SPOCK1: variants seen among roughly 807,000 people sequenced by gnomAD.
SPOCK1 encodes SPARC (osteonectin), cwcv and kazal like domains proteoglycan 1.
In SPOCK1, 23 loss-of-function variants were observed where a neutral mutation model predicts 55.3. The observed-to-expected ratio is 0.42, with a 90% CI of 0.30 to 0.59. The LOEUF (loss-of-function observed/expected upper bound fraction) is 0.59. SPOCK1 is among the 20% of genes least tolerant of loss of function. The pLI, the probability that SPOCK1 is intolerant of heterozygous loss-of-function variation, is 0.22. For missense variants in SPOCK1, 499 were observed against 552.5 expected, an observed-to-expected ratio of 0.90 and a Z score of 0.97; for synonymous variants, 226 against 221.0, an observed-to-expected ratio of 1.02 and a Z score of -0.20.
At chr5:137,212,114 T>G (rs1178722271) in intron 3 of SPOCK1, among the ~76,000 whole-genome samples, 1 of 152,134 alleles carries the variant, frequency 6.6e-6, no homozygotes, top group South Asian at 2.1e-4. Context: ...GGGTCCATCT[T>G]GTGAGAGTGA....
intron 3 of SPOCK1, among the ~76,000 whole-genome samples, chr5:137,185,490 A>ATTTCTCTT (rs1468317525): frequency 3.9e-5 from 6 of 152,184 alleles, no homozygotes; most frequent in South Asian, 4.1e-4. Context: ...AATTTGTTGC[A>ATTTCTCTT]TTTCTCTTTT....
intron 2 of SPOCK1, among the ~76,000 whole-genome samples, chr5:137,486,786 A>C (rs1754066892): frequency 2.6e-5 from 4 of 152,256 alleles, no homozygotes; most frequent in Admixed American, 2.0e-4. Context: ...AACAGTAAAC[A>C]CAGTATTATT....
chr5:137,322,300 T>C (rs1450757171), intron 2 of SPOCK1, among the ~76,000 whole-genome samples: 45 of 148,870 alleles, frequency 3.0e-4, no homozygotes, highest in African/African-American at 1.0e-3. Flanking sequence ...GCCACTGCAC[T>C]CCAGCCTGGG....
intron 2 of SPOCK1, among the ~76,000 whole-genome samples, chr5:137,300,012 C>T (rs541096684): frequency 6.6e-5 from 10 of 152,250 alleles, no homozygotes; most frequent in African/African-American, 2.2e-4. Context: ...CCTCTTCTTT[C>T]TCTGGGATTC....
intron 6 of SPOCK1, among the ~76,000 whole-genome samples, chr5:137,000,969 C>A (rs564649673): frequency 9.2e-5 from 14 of 152,288 alleles, no homozygotes; most frequent in Admixed American, 3.9e-4. Flanking sequence ...CGCCACTGCA[C>A]TCTAGCCTAG....
intron 2 of SPOCK1, among the ~76,000 whole-genome samples, chr5:137,491,052 C>T (rs1413291696): frequency 6.6e-6 from 1 of 152,172 alleles, no homozygotes; most frequent in African/African-American, 2.4e-5. Flanking sequence ...GATATACCAG[C>T]CACTCAAAGA....
chr5:137,195,466 G>A (rs1755279888), intron 3 of SPOCK1, among the ~76,000 whole-genome samples: 1 of 152,234 alleles, frequency 6.6e-6, no homozygotes, highest in African/African-American at 2.4e-5. Flanking sequence ...CATGCAGGCA[G>A]CCATAAAATG....
chr5:137,195,362 C>T (rs983471752), intron 3 of SPOCK1, among the ~76,000 whole-genome samples: 2 of 152,212 alleles, frequency 1.3e-5, no homozygotes, highest in African/African-American at 4.8e-5. Flanking sequence ...GGGCAGTGGG[C>T]AGTTCACCAG....
At chr5:137,498,614 C>T (rs1357576122) in intron 1 of SPOCK1, 56 bp from the exon 2 acceptor site, 5 of 1,243,762 alleles carry the variant, frequency 4.0e-6, no homozygotes, top group African/African-American at 1.6e-5. Flanking sequence ...CCGCGAGCCC[C>T]GGGCACCCAG....
intron 6 of SPOCK1, among the ~76,000 whole-genome samples, chr5:137,001,676 T>C (rs1751151031): frequency 6.6e-6 from 1 of 152,202 alleles, no homozygotes; most frequent in South Asian, 2.1e-4. Context: ...TCTGATCCCC[T>C]GCTTTTTCAT....
intron 2 of SPOCK1, among the ~76,000 whole-genome samples, chr5:137,324,553 T>C (rs1758040503): frequency 6.6e-6 from 1 of 152,124 alleles, no homozygotes; most frequent in African/African-American, 2.4e-5. Flanking sequence ...TCTACTTACA[T>C]GGGATATCTA....
intron 3 of SPOCK1, among the ~76,000 whole-genome samples, chr5:137,235,240 T>A (rs1439473412): frequency 6.6e-6 from 1 of 152,226 alleles, no homozygotes; most frequent in Non-Finnish European, 1.5e-5. Context: ...CATGGCCAAG[T>A]CCTCTGACCT....
At chr5:136,998,381 A>G (rs1168787384) in intron 6 of SPOCK1, among the ~76,000 whole-genome samples, 1 of 152,210 alleles carries the variant, frequency 6.6e-6, no homozygotes, top group Non-Finnish European at 1.5e-5. Context: ...TTGTTCAAAA[A>G]TATATTTATC....
chr5:137,357,079 C>T (rs1324112776), intron 2 of SPOCK1, among the ~76,000 whole-genome samples: 1 of 151,600 alleles, frequency 6.6e-6, no homozygotes, highest in African/African-American at 2.4e-5. Flanking sequence ...CATGTCTATA[C>T]AAAGAACTGG....
At chr5:137,380,871 C>A (rs10066872) in intron 2 of SPOCK1, among the ~76,000 whole-genome samples, 12,980 of 152,136 alleles carry the variant, frequency 0.085, 1,259 homozygotes, top group African/African-American at 0.24. Context: ...GGGAGCCCTG[C>A]AATACAACCC....
At chr5:137,222,310 T>G (rs1351066389) in intron 3 of SPOCK1, among the ~76,000 whole-genome samples, 1 of 152,162 alleles carries the variant, frequency 6.6e-6, no homozygotes, top group Non-Finnish European at 1.5e-5. Flanking sequence ...CAAAATACTC[T>G]CAGGGGCTCT....
chr5:137,399,158 G>T (rs1751921849), intron 2 of SPOCK1, among the ~76,000 whole-genome samples: 1 of 152,180 alleles, frequency 6.6e-6, no homozygotes, highest in African/African-American at 2.4e-5. Flanking sequence ...TATGTAGCGT[G>T]CCAAAAGTAA....
chr5:137,455,751 G>T (rs956753787), intron 2 of SPOCK1, among the ~76,000 whole-genome samples: 7 of 152,048 alleles, frequency 4.6e-5, no homozygotes, highest in Admixed American at 3.3e-4. Context: ...GAGACTTCCT[G>T]GGCACAGTGG....
Position 137,498,476 on chromosome 5 carries a change from G to A in SPOCK1, c.83C>T (p.Ala28Val). ...QVESRHLDALAGGAGPNHGNF... is the reference protein window; with the variant it reads ...QVESRHLDALVGGAGPNHGNF... ...GCCGTGGTTGGGGCCCGCGCCTCCG[G>A]CGAGCGCGTCCAGGTGCCGGCTCTC... Residue 28 changes from alanine (A) to valine (V), a missense_variant, in exon 2 of 11, where the codon GCC becomes GTC. Transcript: ENST00000394945. 1 of 1,602,936 alleles carries A rather than the reference G, an allele frequency of 6.2e-7. No individual in the cohort carries two copies. Among genetic ancestry groups the A allele is most frequent in the Non-Finnish European group, 8.5e-7 (1 of 1,176,564 alleles).
Sources: gnomAD v4.1 joint callset for allele counts (sites outside exome capture counted in the v4.1 genomes callset) on GRCh38, gnomAD v4.1.1 for gene constraint, MANE v1.5 for transcripts, NCBI Gene and HGNC (gene_info 2026-07-23, HGNC 2026-07-21) for gene names.